CDH13: variants seen among roughly 807,000 people sequenced by gnomAD.
CDH13 encodes cadherin 13.
In CDH13, 24 loss-of-function variants were observed where a neutral mutation model predicts 63.8. The observed-to-expected ratio is 0.38, with a 90% CI of 0.27 to 0.53. The LOEUF is 0.53. Ranked by LOEUF, CDH13 falls within the 20% of genes least tolerant of loss-of-function variation. CDH13 has a pLI of 0.85. For missense variants in CDH13, 1,049 were observed against 903.1 expected (o/e 1.16, Z -2.07); for synonymous variants, 503 against 355.3 (o/e 1.42, Z -4.67).
chr16:83,276,404 G>C (rs1473493620), intron 5 of CDH13, among the ~76,000 whole-genome samples: 6 of 152,096 alleles, frequency 3.9e-5, no homozygotes, highest in Admixed American at 3.9e-4. Flanking sequence ...CAAGCACCTT[G>C]AGCCAGTGAT....
chr16:83,569,691 ACT>A (rs1904394050), intron 7 of CDH13, among the ~76,000 whole-genome samples: 1 of 151,216 alleles, frequency 6.6e-6, no homozygotes, highest in African/African-American at 2.4e-5. Flanking sequence ...CAGGCATCTA[ACT>A]CTCTGCCTGT....
intron 7 of CDH13, among the ~76,000 whole-genome samples, chr16:83,518,199 C>T (rs111409138): frequency 0.021 from 3,178 of 152,158 alleles, 101 homozygotes; most frequent in African/African-American, 0.071. Context: ...GGCTGGAGTG[C>T]AGTGGCGTGA....
At chr16:82,631,737 T>G (rs1908031935) in intron 1 of CDH13, among the ~76,000 whole-genome samples, 3 of 152,184 alleles carry the variant, frequency 2.0e-5, no homozygotes, top group Admixed American at 6.5e-5. Context: ...AGAGTTAGGG[T>G]GGAAAGTCAT....
chr16:83,159,749 G>A (rs1340030238), intron 4 of CDH13, among the ~76,000 whole-genome samples: 1 of 152,124 alleles, frequency 6.6e-6, no homozygotes, highest in Admixed American at 6.6e-5. Flanking sequence ...ATATAAAACT[G>A]TACCACATTG....
At chr16:83,481,927 T>C (rs1243049196) in intron 6 of CDH13, among the ~76,000 whole-genome samples, 1 of 152,068 alleles carries the variant, frequency 6.6e-6, no homozygotes, top group African/African-American at 2.4e-5. Context: ...TGGAGTCCAG[T>C]GTGTGGGACT....
intron 2 of CDH13, among the ~76,000 whole-genome samples, chr16:82,961,754 G>C (rs555658843): frequency 1.4e-4 from 22 of 152,188 alleles, no homozygotes; most frequent in Middle Eastern, 6.8e-3. Context: ...TCCTGTCTTT[G>C]GTTCTCAAGT....
chr16:83,199,579 C>G (rs78443851), intron 4 of CDH13, among the ~76,000 whole-genome samples: 4 of 152,266 alleles, frequency 2.6e-5, no homozygotes, highest in African/African-American at 4.8e-5. Flanking sequence ...TGCACAAGGC[C>G]TCAGTGAATG....
intron 5 of CDH13, among the ~76,000 whole-genome samples, chr16:83,263,031 G>C (rs920216755): frequency 6.6e-6 from 1 of 152,178 alleles, no homozygotes; most frequent in African/African-American, 2.4e-5. Context: ...TTAGAGCTTG[G>C]CAAACCGTCT....
chr16:82,781,218 G>A (rs2035738242), intron 1 of CDH13, among the ~76,000 whole-genome samples: 2 of 152,200 alleles, frequency 1.3e-5, no homozygotes, highest in Admixed American at 1.3e-4. Context: ...GGGCAAGGCT[G>A]TTTAGTTGCC....
intron 13 of CDH13, among the ~76,000 whole-genome samples, chr16:83,787,483 C>T (rs185326864): frequency 3.6e-4 from 55 of 152,284 alleles, no homozygotes; most frequent in African/African-American, 1.3e-3. Flanking sequence ...CATTTGAATA[C>T]GGTGCAGTGG....
chr16:82,691,842 C>G (rs1248917306), intron 1 of CDH13, among the ~76,000 whole-genome samples: 1 of 152,018 alleles, frequency 6.6e-6, no homozygotes, highest in Non-Finnish European at 1.5e-5. Context: ...CTAGCAGCAG[C>G]AATATCACCT....
intron 2 of CDH13, among the ~76,000 whole-genome samples, chr16:82,889,304 C>CTCTCTCTG (rs1555535840): frequency 2.0e-5 from 3 of 151,022 alleles, no homozygotes; most frequent in Non-Finnish European, 4.4e-5. Context: ...TCTATTATCT[C>CTCTCTCTG]TCTCTCTCTC....
chr16:82,869,045 A>G (rs531786989), intron 2 of CDH13, among the ~76,000 whole-genome samples: 2 of 152,146 alleles, frequency 1.3e-5, no homozygotes, highest in Admixed American at 6.5e-5. Context: ...TACATTGTGT[A>G]ATTATTATCA....
intron 1 of CDH13, among the ~76,000 whole-genome samples, chr16:82,809,336 T>A (rs1354132348): frequency 6.6e-6 from 1 of 150,566 alleles, no homozygotes; most frequent in Non-Finnish European, 1.5e-5. Flanking sequence ...TCACTGTAAA[T>A]GAAAAATGAG....
intron 5 of CDH13, among the ~76,000 whole-genome samples, chr16:83,290,902 A>T (rs1053340974): frequency 6.6e-6 from 1 of 152,044 alleles, no homozygotes; most frequent in Non-Finnish European, 1.5e-5. Context: ...ATCTCTACGC[A>T]GGGAACATCT....
chr16:82,793,707 A>G (rs1159836974), intron 1 of CDH13, among the ~76,000 whole-genome samples: 1 of 152,130 alleles, frequency 6.6e-6, no homozygotes, highest in Non-Finnish European at 1.5e-5. Flanking sequence ...TGTGATGTAG[A>G]TGACTGTGCT....
intron 8 of CDH13, among the ~76,000 whole-genome samples, chr16:83,613,549 C>G (rs1457721114): frequency 6.6e-6 from 1 of 152,174 alleles, no homozygotes; most frequent in Non-Finnish European, 1.5e-5. Flanking sequence ...TAATTACACT[C>G]AGGCCAGGCA....
chr16:82,832,796 C>T (rs1031052907), intron 1 of CDH13, among the ~76,000 whole-genome samples: 1 of 152,138 alleles, frequency 6.6e-6, no homozygotes, highest in Non-Finnish European at 1.5e-5. Context: ...AGATAATGAC[C>T]TTCTTGAGCA....
intron 10 of CDH13, among the ~76,000 whole-genome samples, chr16:83,693,044 C>T (rs1370132840): frequency 6.6e-6 from 1 of 152,196 alleles, no homozygotes; most frequent in Non-Finnish European, 1.5e-5. Context: ...GACTGCACCA[C>T]TACACTCCAG....
Sources: gnomAD v4.1 joint callset for allele counts (sites outside exome capture counted in the v4.1 genomes callset) on GRCh38, gnomAD v4.1.1 for gene constraint, MANE v1.5 for transcripts, NCBI Gene and HGNC (gene_info 2026-07-23, HGNC 2026-07-21) for gene names.